Variants in NFATC2 observed in about 807,000 individuals in gnomAD.
NFATC2 encodes the protein nuclear factor of activated T-cells, cytoplasmic 2.
NFATC2 carries 22 observed loss-of-function variants against 87.3 expected under a neutral mutation model. The observed-to-expected ratio is 0.25, with a 90% CI of 0.18 to 0.36. The LOEUF is 0.36. Among genes scored for constraint, NFATC2 ranks in the 10% least tolerant of loss-of-function variants. The probability of loss-of-function intolerance (pLI) is 1.00; values close to 1 mark genes in which losing one functional copy is unlikely to be tolerated. For synonymous variants in NFATC2, 565 were observed against 542.2 expected (o/e 1.04, Z -0.58); for missense variants, 1,149 against 1,259.1 (o/e 0.91, Z 1.32).
intron 9 of NFATC2, among the ~76,000 whole-genome samples, chr20:51,429,419 G>A (rs1428135691): frequency 6.6e-6 from 1 of 152,250 alleles, no homozygotes; most frequent in African/African-American, 2.4e-5. Context: ...TCCAGCTCTG[G>A]CCTCAGGAAT....
intron 8 of NFATC2, among the ~76,000 whole-genome samples, chr20:51,434,794 G>A (rs567456836): frequency 2.0e-5 from 3 of 152,254 alleles, no homozygotes; most frequent in African/African-American, 7.2e-5. Flanking sequence ...TCACATGGGG[G>A]GGTCACATAA....
At chr20:51,484,181 C>T (rs1413022149) in intron 3 of NFATC2, among the ~76,000 whole-genome samples, 1 of 151,850 alleles carries the variant, frequency 6.6e-6, no homozygotes, top group East Asian at 1.9e-4. Flanking sequence ...AGGTGCCCGT[C>T]CCTGCATCCC....
At chr20:51,540,847 A>C (rs959343787) in intron 1 of NFATC2, among the ~76,000 whole-genome samples, 3 of 151,946 alleles carry the variant, frequency 2.0e-5, no homozygotes, top group African/African-American at 7.3e-5. Flanking sequence ...GCTGATTACC[A>C]ATCTGGGAGG....
chr20:51,542,755 G>GGA (rs1555819138), upstream of NFATC2: 1 of 395,208 alleles, frequency 2.5e-6, no homozygotes, highest in Non-Finnish European at 3.0e-6. Flanking sequence ...GAGGCGGGGG[G>GGA]GGGGGGGGCG....
chr20:51,470,167 C>A (rs908874964), intron 5 of NFATC2, among the ~76,000 whole-genome samples: 1 of 152,188 alleles, frequency 6.6e-6, no homozygotes, highest in East Asian at 1.9e-4. Flanking sequence ...ATCCCTCTGA[C>A]CTCTTCCATA....
intron 3 of NFATC2, among the ~76,000 whole-genome samples, chr20:51,510,445 G>A (rs772632703): frequency 1.5e-4 from 23 of 152,192 alleles, no homozygotes; most frequent in South Asian, 2.1e-4. Context: ...GAAACAGGGC[G>A]AGGAATGATG....
chr20:51,527,286 T>C (rs1346416340), intron 1 of NFATC2, among the ~76,000 whole-genome samples: 1 of 152,038 alleles, frequency 6.6e-6, no homozygotes, highest in Non-Finnish European at 1.5e-5. Context: ...GCTCCTCCCC[T>C]ACCCACTGCC....
In NFATC2 at chr20:51,432,545, C is replaced by T. The variant is rs1490549385; in HGVS notation, c.2244G>A (p.Ala748=). 5 of 1,547,998 alleles carry T rather than the reference C, an allele frequency of 3.2e-6. No individual in the cohort carries two copies. The African/African-American group carries it at 4.1e-5, about 13-fold the overall frequency. Residue 748 remains alanine, a synonymous_variant, in exon 9 of 11, where the codon GCG becomes GCA. Transcript: ENST00000371564. The surrounding 1 kb of genome is among the most constrained non-coding windows in gnomAD (Gnocchi z 4.6). ...TCTTGCTCCGCTGGTAGAGTACGGC[C>T]GCTGGGTTCTGTTGCTGGTAGCGGG... ...PDARYQQQNP[A]AVLYQRSKSL...
At chr20:51,538,994 T>C (rs989007471) in intron 1 of NFATC2, among the ~76,000 whole-genome samples, 5 of 152,092 alleles carry the variant, frequency 3.3e-5, no homozygotes, top group African/African-American at 1.2e-4. Context: ...TCAGAACACA[T>C]GGTATGGAGC....
At chr20:51,462,401 G>A (rs944894722) in intron 5 of NFATC2, among the ~76,000 whole-genome samples, 14 of 152,096 alleles carry the variant, frequency 9.2e-5, no homozygotes, top group East Asian at 3.9e-4. Flanking sequence ...AGTCGAGATC[G>A]CGCCACTGCA....
At chr20:51,534,725 C>T (rs917992749) in intron 1 of NFATC2, among the ~76,000 whole-genome samples, 4 of 152,198 alleles carry the variant, frequency 2.6e-5, no homozygotes, top group African/African-American at 4.8e-5. Flanking sequence ...TATACACACA[C>T]TCGAACATTT....
chr20:51,500,637 CT>C (rs2076063523), intron 3 of NFATC2, among the ~76,000 whole-genome samples: 2 of 116,848 alleles, frequency 1.7e-5, no homozygotes, highest in African/African-American at 4.0e-5. Flanking sequence ...CCCCTCCACC[CT>C]CACCCTCACC....
chr20:51,529,603 A>C (rs978839427), intron 1 of NFATC2, among the ~76,000 whole-genome samples: 1 of 152,170 alleles, frequency 6.6e-6, no homozygotes, highest in Non-Finnish European at 1.5e-5. Context: ...CACTGGGTGA[A>C]GTTAGTTTCA....
rs925234596 is a variant in NFATC2 at position 51,390,591 on chromosome 20, A to T, written c.*905T>A. The T allele has an allele frequency of 6.6e-6, 1 of 152,364 alleles. No homozygotes were observed. Among genetic ancestry groups the T allele is most frequent in the African/African-American group, 2.4e-5 (1 of 41,464 alleles). 9.4% of individuals were successfully genotyped at this position (152,364 alleles called of 1,614,324 possible). On this transcript the variant is annotated 3_prime_UTR_variant, in exon 11 of 11. Coordinates refer to ENST00000371564, the MANE Select transcript of NFATC2 (RefSeq NM_012340.5). ...CTCTGCAGCCTGGGTCAGCCCCCCA[A>T]GTCTATGGAAATTGTGTTAGCAGGA... is the stretch of plus-strand genomic sequence containing the variant.
At chr20:51,490,981 G>C (rs1285812330) in intron 3 of NFATC2, among the ~76,000 whole-genome samples, 1 of 152,110 alleles carries the variant, frequency 6.6e-6, no homozygotes, top group African/African-American at 2.4e-5. Flanking sequence ...AGATCATCAA[G>C]GGATGATTAA....
chr20:51,498,494 T>C (rs1333089723), intron 3 of NFATC2, among the ~76,000 whole-genome samples: 2 of 151,860 alleles, frequency 1.3e-5, no homozygotes, highest in East Asian at 1.9e-4. Flanking sequence ...TATCAGGCTA[T>C]GGAAAAAAAG....
Position 51,480,428 on chromosome 20 carries a change from A to C in NFATC2, c.1333-4768T>G, listed in dbSNP as rs116815982. ...AACAAAAACGGTAGTTCCTTGAGAG[A>C]AAAACCTCTTTAGGAAAGCCAAGAA... On this transcript the variant is annotated intron_variant, in intron 3 of 10. Transcript: ENST00000371564. This position sits in a 1 kb window ranked among gnomAD's most constrained non-coding sequence, Gnocchi z 4.2. Among the ~76,000 whole-genome samples the C allele has an allele frequency of 0.013, 2,004 of 152,290 alleles. 41 individuals carry two copies. The highest frequency in any genetic ancestry group is 0.046 in the African/African-American group (1,898 of 41,548).
intron 3 of NFATC2, among the ~76,000 whole-genome samples, chr20:51,499,914 C>T (rs994697923): frequency 6.6e-6 from 1 of 152,164 alleles, no homozygotes; most frequent in Admixed American, 6.5e-5. Context: ...CAAGTCTTCT[C>T]TTAATGTCTG....
chr20:51,541,158 C>A (rs2076810430), intron 1 of NFATC2, among the ~76,000 whole-genome samples: 1 of 152,132 alleles, frequency 6.6e-6, no homozygotes, highest in South Asian at 2.1e-4. Flanking sequence ...GCGAAAACTT[C>A]ATTATCTGCC....
Sources: allele counts gnomAD v4.1 joint callset (sites outside exome capture counted in the v4.1 genomes callset), GRCh38; gene constraint gnomAD v4.1.1; non-coding constraint Gnocchi (gnomAD v3.1); transcripts MANE v1.5; gene names NCBI Gene and HGNC (gene_info 2026-07-23, HGNC 2026-07-21).